Variants in KLC4 observed in about 807,000 individuals in gnomAD.
The protein encoded by KLC4 is kinesin light chain 4, also known as kinesin-like protein 8.
Under a neutral mutation model 77.2 loss-of-function variants are expected in KLC4, and 49 were observed. The observed-to-expected ratio is 0.63, with a 90% CI of 0.50 to 0.80. KLC4 has a LOEUF of 0.80. Among genes scored for constraint, KLC4 ranks in the 30% least tolerant of loss-of-function variants. KLC4 has a pLI of 0.00. For synonymous variants in KLC4, 274 were observed against 314.5 expected (o/e 0.87, Z 1.36); for missense variants, 669 against 793.5 (o/e 0.84, Z 1.89).
chr6:43,070,918 GTGGGGGGAGGGGGGGC>G, intron 8 of KLC4, 53 bp downstream of exon 8: 1 of 391,208 alleles, frequency 2.6e-6, no homozygotes, highest in Admixed American at 4.3e-5. Context: ...GGGCACAGAG[GTGGGGGGAGGGGGGGC>G]AGGCGGAGAG....
At chr6:43,067,220 C>T (rs917361562) in intron 6 of KLC4, 137 bp downstream of exon 6, 10 of 1,428,352 alleles carry the variant, frequency 7.0e-6, no homozygotes, top group Non-Finnish European at 9.3e-6. Flanking sequence ...GAAGTCCTTT[C>T]TTCCAGGCAC....
chr6:43,063,965 T>C (rs1202434939), intron 3 of KLC4, among the ~76,000 whole-genome samples: 2 of 152,158 alleles, frequency 1.3e-5, no homozygotes, highest in African/African-American at 4.8e-5. Flanking sequence ...GCCACCCAAG[T>C]AGCTGGGATT....
chr6:43,072,972 T>C lies in KLC4; in HGVS notation c.1629+8T>C. On this transcript the variant is annotated splice_region_variant and intron_variant, in intron 13 of 15. Coordinates refer to ENST00000347162, the MANE Select transcript of KLC4 (RefSeq NM_201521.3). ...GCTGTGGAGTGGTCCGGGGTAAGTC[T>C]GATCATTGCCTTTTCATCTCTCCTG... 6.3e-7 allele frequency: 1 copy of C among 1,579,322 alleles called. No individual in the cohort carries two copies. The highest frequency in any genetic ancestry group is 1.2e-5 in the South Asian group (1 of 84,534).
chr6:43,072,024 C>A, intron 11 of KLC4, 102 bp downstream of exon 11: 8 of 1,399,724 alleles, frequency 5.7e-6, no homozygotes, highest in Non-Finnish European at 8.0e-6. Flanking sequence ...GACTTTCCCT[C>A]AGCTTTAGCT....
chr6:43,071,181 G>T (rs1765702717), intron 8 of KLC4, 94 bp from the exon 9 acceptor site: 3 of 734,712 alleles, frequency 4.1e-6, no homozygotes, highest in South Asian at 3.5e-5. Context: ...AACTCCCTGA[G>T]CCTGGTGAAG....
intron 8 of KLC4, 41 bp from the exon 9 acceptor site, chr6:43,071,234 T>G: frequency 3.0e-5 from 27 of 906,684 alleles, no homozygotes; most frequent in Non-Finnish European, 4.4e-5. Context: ...CTTGCCTCCC[T>G]CCATGTTTTG....
Position 43,066,301 on chromosome 6 carries a change from T to C in KLC4, c.572-5T>C, listed in dbSNP as rs1351561328. 2 of 1,612,466 alleles carry C rather than the reference T, an allele frequency of 1.2e-6. No individual in the cohort carries two copies. Among genetic ancestry groups the C allele is most frequent in the Non-Finnish European group, 1.7e-6 (2 of 1,178,686 alleles). ...GTCCTTTGTTTATGTTCTGTGATGG[T>C]TTAGTGTCCCGTGGTCAAGGTGCTA... On this transcript the variant is annotated splice_polypyrimidine_tract_variant and splice_region_variant and intron_variant, in intron 4 of 15. Coordinates refer to ENST00000347162, the MANE Select transcript of KLC4 (RefSeq NM_201521.3).
chr6:43,062,111 T>C (rs1174860529), intron 2 of KLC4, among the ~76,000 whole-genome samples: 2 of 152,082 alleles, frequency 1.3e-5, no homozygotes. Flanking sequence ...GTGAGGTCAG[T>C]GAACAGCAAG....
rs1216942685 is a variant in KLC4, at chr6:43,073,310, C to G, written c.1717C>G (p.Leu573Val). 6.2e-7 allele frequency: 1 copy of G among 1,613,856 alleles called. No homozygotes were observed. Among genetic ancestry groups the G allele is most frequent in the Non-Finnish European group, 8.5e-7 (1 of 1,179,874 alleles). ...AAGCAGTGAACTCTTGGTGAGGAAGCTCCAGGGGACTGAGCCTCGGCCCTC... is the reference window on the plus strand; with the variant it reads ...AAGCAGTGAACTCTTGGTGAGGAAGGTCCAGGGGACTGAGCCTCGGCCCTC... ...RRSSELLVRK[L>V]QGTEPRPSSS... The change falls in exon 14 of 16, where the codon CTC (leucine) becomes GTC (valine). Residue 573 changes from leucine (L) to valine (V), a missense_variant. Coordinates refer to ENST00000347162, the MANE Select transcript of KLC4 (RefSeq NM_201521.3).
At chr6:43,059,880 G>T (rs1320724787) in intron 1 of KLC4, 195 bp downstream of exon 1, 6 of 1,203,660 alleles carry the variant, frequency 5.0e-6, no homozygotes, top group Non-Finnish European at 5.2e-6. Context: ...CGCCCCCTGC[G>T]CCACCGACTG....
At chr6:43,059,967 C>A in intron 1 of KLC4, 1 of 1,344,516 alleles carries the variant, frequency 7.4e-7, no homozygotes, top group East Asian at 3.2e-5. Flanking sequence ...CCACACCTCC[C>A]CCCTGCCGCC....
chr6:43,074,780 G>T lies in KLC4; in HGVS notation c.*108G>T. ...CACCCCTAGGTGGGACAGTGAAGGGGAGCAGTTTAACCAGAAGATTGCTGC... is the reference window on the plus strand; with the variant it reads ...CACCCCTAGGTGGGACAGTGAAGGGTAGCAGTTTAACCAGAAGATTGCTGC... On this transcript the variant is annotated 3_prime_UTR_variant, in exon 16 of 16. Transcript: ENST00000347162. The T allele has an allele frequency of 1.1e-6, 1 of 916,182 alleles. No homozygotes were observed. The highest frequency in any genetic ancestry group is 1.3e-5 in the South Asian group (1 of 74,528). The allele number at this position is 916,182 out of a possible 1,614,324, so 56.8% of individuals were successfully genotyped here. A position where few individuals can be genotyped will look rare whatever the true frequency, so the allele number is the denominator to read the frequency against.
chr6:43,071,547 A>G lies in KLC4; in HGVS notation c.1256-20A>G. ...TCTAGCTCCCATCTCTAACCTCCCC[A>G]CCCCATGTATCACCCCTAGATGACC... On this transcript the variant is annotated intron_variant, in intron 9 of 15. Transcript: ENST00000347162. 3 of 1,609,280 alleles carry G rather than the reference A, an allele frequency of 1.9e-6. No homozygotes were observed. The highest frequency in any genetic ancestry group is 2.5e-6 in the Non-Finnish European group (3 of 1,176,934).
rs1765382821 is a variant in KLC4 at position 43,065,614 on chromosome 6, TTCCAG to T, written c.490-5_490-1del. 1 of 1,610,856 alleles carries T rather than the reference TTCCAG, an allele frequency of 6.2e-7. No homozygotes were observed. Among genetic ancestry groups the T allele is most frequent in the African/African-American group, 1.3e-5 (1 of 74,854 alleles). ...TGGCCCTTATATGTTGCTTCTTCCC[TTCCAG>T]GAGGAGAAAGAAGGCGATGCCACCA... On this transcript the variant is annotated splice_acceptor_variant and splice_polypyrimidine_tract_variant and intron_variant, in intron 3 of 15. Transcript: ENST00000347162. LOFTEE classifies it high-confidence loss of function.
At chr6:43,071,802 T>G in intron 10 of KLC4, 50 bp from the exon 11 acceptor site, 1 of 1,584,852 alleles carries the variant, frequency 6.3e-7, no homozygotes, top group Non-Finnish European at 8.6e-7. Flanking sequence ...CTCTGTATTC[T>G]TATATTTGGC....
chr6:43,068,579 A>G (rs1289812944), intron 6 of KLC4, among the ~76,000 whole-genome samples: 1 of 151,308 alleles, frequency 6.6e-6, no homozygotes, highest in Non-Finnish European at 1.5e-5. Context: ...AGGCCAAGGC[A>G]GGTCGATCAC....
chr6:43,066,248 A>G, intron 4 of KLC4, 58 bp from the exon 5 acceptor site: 1 of 1,425,120 alleles, frequency 7.0e-7, no homozygotes, highest in South Asian at 1.2e-5. Flanking sequence ...GGGGAGTGGA[A>G]GGGCAGACAG....
intron 4 of KLC4, 27 bp from the exon 5 acceptor site, chr6:43,066,279 C>T: frequency 6.3e-7 from 1 of 1,593,560 alleles, no homozygotes; most frequent in East Asian, 2.2e-5. Flanking sequence ...AGGAAGAGTC[C>T]TTTGTTTATG....
intron 1 of KLC4, chr6:43,060,005 G>A (rs113446316): frequency 7.1e-7 from 1 of 1,405,208 alleles, no homozygotes; most frequent in South Asian, 1.5e-5. Flanking sequence ...CCCAACCCTG[G>A]GCACCAGGGC....
Sources: allele counts gnomAD v4.1 joint callset (sites outside exome capture counted in the v4.1 genomes callset), GRCh38; gene constraint gnomAD v4.1.1; transcripts MANE v1.5; gene names NCBI Gene and HGNC (gene_info 2026-07-23, HGNC 2026-07-21).